NCOR2: variants seen among roughly 807,000 people sequenced by gnomAD.
NCOR2 encodes the protein nuclear receptor corepressor 2.
Under a neutral mutation model 262.9 loss-of-function variants are expected in NCOR2, and 81 were observed. The observed-to-expected ratio is 0.31, with a 90% CI of 0.26 to 0.37. The LOEUF (loss-of-function observed/expected upper bound fraction) is 0.37. NCOR2 is among the 10% of genes least tolerant of loss of function. NCOR2 has a pLI of 1.00. For missense variants in NCOR2, 3,385 were observed against 3,621.4 expected (o/e 0.93, Z 1.68); for synonymous variants, 1,659 against 1,559.3 (o/e 1.06, Z -1.51).
exon 20 of NCOR2, chr12:124,372,531 C>G: frequency 6.3e-7 from 1 of 1,596,096 alleles, no homozygotes; most frequent in South Asian, 1.1e-5. Flanking sequence ...GGGGCTTGGG[C>G]CCATTCTGCC....
intron 13 of NCOR2, among the ~76,000 whole-genome samples, chr12:124,412,383 G>A (rs1363493343): frequency 3.3e-5 from 5 of 152,256 alleles, no homozygotes; most frequent in Non-Finnish European, 1.5e-5. Context: ...CTGCTGGGCT[G>A]TGGTTAAGCA....
chr12:124,425,760 T>C (rs1400183190), intron 11 of NCOR2, among the ~76,000 whole-genome samples: 1 of 152,172 alleles, frequency 6.6e-6, no homozygotes, highest in Non-Finnish European at 1.5e-5. Flanking sequence ...CCATTCCCTA[T>C]ACAGCCTCTC....
chr12:124,371,952 CT>C, intron 20 of NCOR2, 69 bp downstream of exon 22: 1 of 1,455,562 alleles, frequency 6.9e-7, no homozygotes, highest in Non-Finnish European at 9.2e-7. Flanking sequence ...GTGCGGCTGT[CT>C]AAGTAGGTAG....
chr12:124,526,757 C>T (rs552327419), intron 1 of NCOR2, among the ~76,000 whole-genome samples: 1 of 152,282 alleles, frequency 6.6e-6, no homozygotes, highest in Admixed American at 6.5e-5. Flanking sequence ...GACAGGCAGC[C>T]CCTTCCACGT....
exon 35 of NCOR2, chr12:124,340,710 C>T: frequency 5.2e-6 from 8 of 1,542,112 alleles, no homozygotes; most frequent in East Asian, 4.6e-5. Flanking sequence ...GTCGGGGGCA[C>T]GAGCACAGGC....
intron 6 of NCOR2, among the ~76,000 whole-genome samples, chr12:124,453,500 C>T (rs547562655): frequency 1.3e-5 from 2 of 152,076 alleles, no homozygotes; most frequent in Non-Finnish European, 2.9e-5. Context: ...GAGCAGGTGC[C>T]AGACGCAGGG....
In NCOR2 at chr12:124,324,995, C is replaced by T. The variant is rs113021933; in HGVS notation, c.*407G>A. 9.4e-3 allele frequency: 1,470 copies of T among 156,886 alleles called. 17 individuals are homozygous for T. Among genetic ancestry groups the T allele is most frequent in the Non-Finnish European group, 0.014 (1,017 of 71,044 alleles). The allele number at this position is 156,886 out of a possible 1,614,324, so 9.7% of individuals were successfully genotyped here. A position where few individuals can be genotyped will look rare whatever the true frequency, so the allele number is the denominator to read the frequency against. On this transcript the variant is annotated 3_prime_UTR_variant, in exon 47 of 47. Coordinates refer to ENST00000405201, the Ensembl canonical transcript of NCOR2. ...CGGGATGGGAGGCGGAGGGAGGGCG[C>T]GGGGGCTGCGAGCTCAGTTTAGACT...
At chr12:124,515,697 A>G (rs1335677869) in intron 1 of NCOR2, among the ~76,000 whole-genome samples, 1 of 151,576 alleles carries the variant, frequency 6.6e-6, no homozygotes. Flanking sequence ...ATGCGTGTGC[A>G]TGTTCGTGTG....
At chr12:124,345,037 T>A (rs2036794410) in intron 31 of NCOR2, 86 bp from the exon 34 acceptor site, 1 of 1,271,728 alleles carries the variant, frequency 7.9e-7, no homozygotes, top group East Asian at 2.6e-5. Context: ...TCAAAAAGTT[T>A]GTCATCTATA....
intron 16 of NCOR2, among the ~76,000 whole-genome samples, chr12:124,391,270 G>A (rs888028885): frequency 1.3e-5 from 2 of 151,986 alleles, no homozygotes; most frequent in Admixed American, 6.6e-5. Context: ...AAACACACTC[G>A]CTCTCCCCAC....
chr12:124,561,070 C>T (rs1022156507), intron 1 of NCOR2, among the ~76,000 whole-genome samples: 2 of 152,164 alleles, frequency 1.3e-5, no homozygotes, highest in Non-Finnish European at 2.9e-5. Context: ...GGGTGCTAAC[C>T]TAGGATTCCT....
chr12:124,554,621 G>A (rs2051825360), intron 1 of NCOR2, among the ~76,000 whole-genome samples: 1 of 152,240 alleles, frequency 6.6e-6, no homozygotes, highest in South Asian at 2.1e-4. Context: ...CTGTGACACA[G>A]AGAGGGCAGC....
intron 20 of NCOR2, among the ~76,000 whole-genome samples, chr12:124,368,917 A>T (rs1036429896): frequency 2.0e-5 from 3 of 152,278 alleles, no homozygotes; most frequent in Non-Finnish European, 2.9e-5. Context: ...AGAATAAAGT[A>T]ACAAAGGTGA....
rs905164610 is a variant in NCOR2 at position 124,389,576 on chromosome 12, C to T, written c.1877-3689G>A. ...CATCCCCCGCCGCCCGTCCCCCCAC[C>T]CTCCGTGTCAGTTCCACCTGAGCTC... On this transcript the variant is annotated intron_variant, in intron 16 of 46. Coordinates refer to ENST00000405201, the Ensembl canonical transcript of NCOR2. The surrounding 1 kb of genome is among the most constrained non-coding windows in gnomAD (Gnocchi z 4.4). 6.6e-6 allele frequency among the ~76,000 whole-genome samples: 1 copy of T among 152,222 alleles called. No individual in the cohort carries two copies. The highest frequency in any genetic ancestry group is 6.5e-5 in the Admixed American group (1 of 15,280).
intron 3 of NCOR2, among the ~76,000 whole-genome samples, chr12:124,479,311 G>C (rs2047279053): frequency 6.7e-6 from 1 of 149,762 alleles, no homozygotes; most frequent in African/African-American, 2.5e-5. Flanking sequence ...CACATGCACG[G>C]ACACATGCAC....
At chr12:124,545,511 G>A (rs1251272153) in intron 1 of NCOR2, among the ~76,000 whole-genome samples, 11 of 152,122 alleles carry the variant, frequency 7.2e-5, no homozygotes, top group South Asian at 2.1e-4. Context: ...ACCGACACAC[G>A]GGGACCCTCG....
rs1321934731 is a variant in NCOR2 at position 124,342,087 on chromosome 12, G to C, written c.4937-13C>G. 1 of 1,599,412 alleles carries C rather than the reference G, an allele frequency of 6.3e-7. No homozygotes were observed. Among genetic ancestry groups the C allele is most frequent in the Non-Finnish European group, 8.5e-7 (1 of 1,172,672 alleles). On this transcript the variant is annotated splice_polypyrimidine_tract_variant and intron_variant, in intron 33 of 46. Transcript: ENST00000405201. ...TAGTAGGCAGCGGCTGCGGGGCAGA[G>C]GGGAGCTCATGTGAGGCCAGCCATA...
At position 124,544,259 on chromosome 12, in the gene NCOR2, T is replaced by A. The variant is rs530121872; in HGVS notation, c.-164-8648A>T. Reference sequence around the variant, plus strand: ...ACAGTATGCTGTAGATGAACTCAGGTTTAGCCCCACAGATAGGCAGAGCAA... The same window carrying A: ...ACAGTATGCTGTAGATGAACTCAGGATTAGCCCCACAGATAGGCAGAGCAA... On this transcript the variant is annotated intron_variant, in intron 1 of 32. Coordinates refer to the NCOR2 transcript ENST00000458234. Among the ~76,000 whole-genome samples, 8 of 152,266 alleles carry A rather than the reference T, an allele frequency of 5.3e-5. No individual in the cohort carries two copies. The South Asian group carries it at 1.5e-3, about 28-fold the overall frequency.
intron 1 of NCOR2, among the ~76,000 whole-genome samples, chr12:124,551,843 G>C (rs76089366): frequency 2.6e-5 from 4 of 152,168 alleles, no homozygotes; most frequent in African/African-American, 9.7e-5. Context: ...GTGCCCTGCT[G>C]TTCTGAGAAT....
Sources: gnomAD v4.1 joint callset for allele counts (sites outside exome capture counted in the v4.1 genomes callset) on GRCh38, gnomAD v4.1.1 for gene constraint, Gnocchi (gnomAD v3.1) non-coding constraint, MANE v1.5 for transcripts, NCBI Gene and HGNC (gene_info 2026-07-23, HGNC 2026-07-21) for gene names.